The following SH3D19 variants were observed in gnomAD, a reference collection of about 807,000 sequenced individuals.
SH3D19 encodes SH3 domain-containing protein 19.
A neutral mutation model predicts 112.1 loss-of-function variants in SH3D19; 58 were observed. That is an observed-to-expected ratio of 0.52 (90% CI 0.42 to 0.64). SH3D19 has a LOEUF of 0.64. Among genes scored for constraint, SH3D19 ranks in the 30% least tolerant of loss-of-function variants. SH3D19 has a pLI of 0.00. For missense variants in SH3D19, 1,090 were observed against 1,263.4 expected, an observed-to-expected ratio of 0.86 and a Z score of 2.08; for synonymous variants, 391 against 448.5, an observed-to-expected ratio of 0.87 and a Z score of 1.62.
intron 8 of SH3D19, among the ~76,000 whole-genome samples, chr4:151,164,560 C>T (rs774599915): frequency 3.3e-5 from 5 of 151,594 alleles, no homozygotes; most frequent in Non-Finnish European, 7.4e-5. Context: ...AGGAAGTAAA[C>T]CAAAATGTAA....
At chr4:151,310,131 T>C (rs1018308420) in intron 1 of SH3D19, among the ~76,000 whole-genome samples, 2 of 145,246 alleles carry the variant, frequency 1.4e-5, no homozygotes, top group East Asian at 4.1e-4. Context: ...CCCAGCACTT[T>C]GGGAGCCTGA....
chr4:151,294,994 G>T (rs924766395), intron 1 of SH3D19, among the ~76,000 whole-genome samples: 6 of 152,152 alleles, frequency 3.9e-5, no homozygotes, highest in African/African-American at 9.7e-5. Flanking sequence ...GAGTACAAAG[G>T]TTCTGAGTTT....
Position 151,153,518 on chromosome 4 carries a change from A to C in SH3D19, c.1756-3957T>G, listed in dbSNP as rs562300555. ...TGCCTCAGCCTCCCAAAGTGCTGTGAATACAGGCATGAGCCACCGTGCCTG... is the reference window on the plus strand; with the variant it reads ...TGCCTCAGCCTCCCAAAGTGCTGTGCATACAGGCATGAGCCACCGTGCCTG... On this transcript the variant is annotated intron_variant, in intron 9 of 19. Transcript: ENST00000604030. Among the ~76,000 whole-genome samples, 3 of 152,308 alleles carry C rather than the reference A, an allele frequency of 2.0e-5. No individual in the cohort carries two copies. In the South Asian group the frequency reaches 6.2e-4, roughly 32 times the overall value.
At chr4:151,208,258 C>G (rs1765389695) in intron 2 of SH3D19, among the ~76,000 whole-genome samples, 1 of 152,238 alleles carries the variant, frequency 6.6e-6, no homozygotes, top group African/African-American at 2.4e-5. Context: ...GGCAGCTTCA[C>G]TCCATGGGTG....
intron 19 of SH3D19, among the ~76,000 whole-genome samples, chr4:151,125,929 ATT>A (rs2149722026): frequency 2.0e-5 from 1 of 49,632 alleles, no homozygotes; most frequent in African/African-American, 3.4e-5. Context: ...CAGAAATGAC[ATT>A]TAATACAAAA....
At chr4:151,160,430 T>C (rs781084514) in intron 8 of SH3D19, among the ~76,000 whole-genome samples, 5 of 152,206 alleles carry the variant, frequency 3.3e-5, no homozygotes, top group African/African-American at 7.2e-5. Context: ...TGAACATAAT[T>C]GCCCTCAATT....
intron 1 of SH3D19, among the ~76,000 whole-genome samples, chr4:151,258,647 G>A (rs1772128818): frequency 6.6e-6 from 1 of 152,198 alleles, no homozygotes; most frequent in Non-Finnish European, 1.5e-5. Context: ...TCCCAGGACA[G>A]CAGGGGACGC....
intron 1 of SH3D19, chr4:151,283,308 T>G (rs758682356): frequency 2.9e-5 from 46 of 1,561,960 alleles, no homozygotes; most frequent in Non-Finnish European, 3.8e-5. Flanking sequence ...CTCTAGAGAA[T>G]TTTTTTTTAA....
chr4:151,234,772 G>T, intron 1 of SH3D19, among the ~76,000 whole-genome samples: 1 of 110,858 alleles, frequency 9.0e-6, no homozygotes, highest in Non-Finnish European at 1.7e-5. Context: ...TTTTTAGACA[G>T]GGGCTCACTC....
chr4:151,149,288 G>T lies in SH3D19; in HGVS notation c.1817+212C>A, dbSNP rs115291123. ...TGTTCATTTATTTGAGGAAATAAAT[G>T]CTCTATGAGTTGAACTGTGTTAAAA... is the stretch of plus-strand genomic sequence containing the variant. On this transcript the variant is annotated intron_variant, in intron 10 of 19. Coordinates refer to ENST00000604030, the MANE Select transcript of SH3D19 (RefSeq NM_001378122.1). 2.5e-3 allele frequency among the ~76,000 whole-genome samples: 374 copies of T among 152,284 alleles called. 1 individual carries two copies. Among genetic ancestry groups the T allele is most frequent in the African/African-American group, 8.7e-3 (362 of 41,544 alleles).
intron 2 of SH3D19, among the ~76,000 whole-genome samples, chr4:151,214,422 C>T (rs1438627154): frequency 1.4e-4 from 2 of 14,542 alleles, no homozygotes; most frequent in Non-Finnish European, 9.1e-4. Context: ...GCAGAGGCGC[C>T]CCTCACCTCC....
rs531273080 is a variant in SH3D19, at chr4:151,288,093, A to C, written c.112+37148T>G. On this transcript the variant is annotated intron_variant, in intron 1 of 19. Transcript: ENST00000604030. ...AACAACGCTTCACGTTAAAAAAAAA[A>C]CAAAACACTCAACAATGAGATGAGT... Among the ~76,000 whole-genome samples the C allele has an allele frequency of 3.3e-5, 5 of 152,248 alleles. No homozygotes were observed. In the South Asian group the frequency reaches 6.2e-4, roughly 19 times the overall value.
intron 1 of SH3D19, among the ~76,000 whole-genome samples, chr4:151,283,897 T>C (rs1457579014): frequency 6.6e-6 from 1 of 152,182 alleles, no homozygotes; most frequent in Non-Finnish European, 1.5e-5. Context: ...AAAGATGTCG[T>C]TCTATTGTCT....
At chr4:151,189,781 A>G (rs1365398308) in intron 2 of SH3D19, among the ~76,000 whole-genome samples, 2 of 152,182 alleles carry the variant, frequency 1.3e-5, no homozygotes, top group Admixed American at 1.3e-4. Flanking sequence ...TGTCTTTATC[A>G]GCAGTGTGAA....
chr4:151,159,499 A>C, intron 8 of SH3D19, 147 bp from the exon 9 acceptor site: 1 of 592,808 alleles, frequency 1.7e-6, no homozygotes, highest in East Asian at 3.3e-5. Context: ...CTCCCAGCAA[A>C]CTTCAGAAAA....
Position 151,256,846 on chromosome 4 carries a change from T to C in SH3D19, c.113-30760A>G, listed in dbSNP as rs1322345745. 3.9e-5 allele frequency among the ~76,000 whole-genome samples: 6 copies of C among 152,084 alleles called. No individual in the cohort carries two copies. In the East Asian group the frequency reaches 1.2e-3, roughly 29 times the overall value. On this transcript the variant is annotated intron_variant, in intron 1 of 19. Transcript: ENST00000604030. The stretch of plus-strand genomic sequence containing the variant: ...ACCTCTACCTCCTGGGTTCAAGCGA[T>C]TCTCCTGCCTCAGCCTCCCAAGTAG...
intron 18 of SH3D19, 33 bp from the exon 19 acceptor site, chr4:151,127,748 A>C: frequency 1.4e-5 from 18 of 1,271,922 alleles, no homozygotes; most frequent in Non-Finnish European, 2.0e-5. Flanking sequence ...AATATATAGA[A>C]ACACAGTGGA....
intron 1 of SH3D19, among the ~76,000 whole-genome samples, chr4:151,240,110 A>T (rs201646579): frequency 9.2e-5 from 14 of 151,790 alleles, no homozygotes; most frequent in Admixed American, 7.2e-4. Context: ...ACCAAAAGAA[A>T]TTTTTTTTAA....
At chr4:151,321,107 GA>G (rs1730489758) in intron 1 of SH3D19, among the ~76,000 whole-genome samples, 1 of 152,128 alleles carries the variant, frequency 6.6e-6, no homozygotes, top group Non-Finnish European at 1.5e-5. Context: ...AATGTTGAGT[GA>G]AAAAAGCACC....
Sources: allele counts gnomAD v4.1 joint callset (sites outside exome capture counted in the v4.1 genomes callset), GRCh38; gene constraint gnomAD v4.1.1; transcripts MANE v1.5; gene names NCBI Gene and HGNC (gene_info 2026-07-23, HGNC 2026-07-21).